IGSF11: variants seen among roughly 807,000 people sequenced by gnomAD.
IGSF11 encodes CXADR like 1.
Under a neutral mutation model 41.0 loss-of-function variants are expected in IGSF11, and 22 were observed. That is an observed-to-expected ratio of 0.54 (90% CI 0.38 to 0.77). The LOEUF (loss-of-function observed/expected upper bound fraction) is 0.77. IGSF11 is among the 30% of genes least tolerant of loss of function. The pLI, the probability that IGSF11 is intolerant of heterozygous loss-of-function variation, is 0.00. For synonymous variants in IGSF11, 219 were observed against 201.3 expected (o/e 1.09, Z -0.74); for missense variants, 444 against 530.8 (o/e 0.84, Z 1.61).
rs115170038 is a variant in IGSF11, at chr3:119,088,446, T to C, written c.49+16698A>G. On this transcript the variant is annotated intron_variant, in intron 1 of 6. Coordinates refer to the IGSF11 transcript ENST00000354673. ...AAGTAATGTTAAGAGGAAAGTTTTATAGCCCTAAACACCTTCATCAAGAAG... is the reference window on the plus strand; with the variant it reads ...AAGTAATGTTAAGAGGAAAGTTTTACAGCCCTAAACACCTTCATCAAGAAG... Among the ~76,000 whole-genome samples, 1,003 of 152,030 alleles carry C rather than the reference T, an allele frequency of 6.6e-3. 11 individuals carry two copies. The highest frequency in any genetic ancestry group is 0.023 in the African/African-American group (949 of 41,546).
rs866875684 is a variant in IGSF11, at chr3:119,138,168, A to C, written c.-14+7645T>G. Among the ~76,000 whole-genome samples, 284 of 152,010 alleles carry C rather than the reference A, an allele frequency of 1.9e-3. 2 individuals are homozygous for C. The highest frequency in any genetic ancestry group is 6.2e-3 in the African/African-American group (259 of 41,498). On this transcript the variant is annotated intron_variant, in intron 1 of 7. Transcript: ENST00000425327. ...TTGGAGGTTCCTCAACAAAAAAAAAAAAAAAAACTAAAAATTGAGCTACCA... is the reference window on the plus strand; with the variant it reads ...TTGGAGGTTCCTCAACAAAAAAAAACAAAAAAACTAAAAATTGAGCTACCA...
chr3:119,115,299 T>A (rs1421466485), intron 1 of IGSF11, among the ~76,000 whole-genome samples: 1 of 152,208 alleles, frequency 6.6e-6, no homozygotes, highest in Non-Finnish European at 1.5e-5. Context: ...GGTAGCGCTA[T>A]TTTTAGTTTT....
intron 1 of IGSF11, among the ~76,000 whole-genome samples, chr3:119,023,262 C>CAAAAA (rs3049118): frequency 1.3e-4 from 8 of 60,266 alleles, no homozygotes; most frequent in Middle Eastern, 0.015. Context: ...GACTCCGTCT[C>CAAAAA]AAAAAAAAAA....
At chr3:118,932,166 C>T (rs188189620) in intron 1 of IGSF11, among the ~76,000 whole-genome samples, 2 of 152,314 alleles carry the variant, frequency 1.3e-5, no homozygotes, top group South Asian at 2.1e-4. Context: ...TAACTGTTTT[C>T]TCTTCTGCAA....
At chr3:118,928,739 T>G in intron 2 of IGSF11, 23 bp from the exon 3 acceptor site, 1 of 1,567,626 alleles carries the variant, frequency 6.4e-7, no homozygotes, top group East Asian at 2.3e-5. Context: ...GCAAAATAAA[T>G]AAACTGGCCA....
chr3:118,959,320 A>C (rs2107597999), intron 1 of IGSF11, among the ~76,000 whole-genome samples: 1 of 152,342 alleles, frequency 6.6e-6, no homozygotes, highest in East Asian at 1.9e-4. Flanking sequence ...CAGAAAAGGA[A>C]GAGATAGACA....
chr3:118,936,757 T>C (rs539662685), intron 1 of IGSF11, among the ~76,000 whole-genome samples: 79 of 152,170 alleles, frequency 5.2e-4, no homozygotes, highest in Non-Finnish European at 9.7e-4. Flanking sequence ...AGACTCCTGT[T>C]TCCCAAGATT....
intron 1 of IGSF11, among the ~76,000 whole-genome samples, chr3:118,932,980 A>G (rs1942975954): frequency 6.6e-6 from 1 of 152,268 alleles, no homozygotes. Flanking sequence ...CAACCGCAAC[A>G]GGGTGAGCAG....
At chr3:119,034,477 G>A (rs1397263100) in intron 1 of IGSF11, 54 bp downstream of exon 1, 13 of 1,449,876 alleles carry the variant, frequency 9.0e-6, no homozygotes, top group Middle Eastern at 4.2e-4. Context: ...GCTTCGCCCC[G>A]GGCCCGCCGA....
At chr3:119,065,610 T>C (rs1023296373) in intron 1 of IGSF11, among the ~76,000 whole-genome samples, 15 of 151,922 alleles carry the variant, frequency 9.9e-5, no homozygotes, top group Non-Finnish European at 2.1e-4. Context: ...CTGAGCAATA[T>C]GGTGAAACCC....
rs543244570 is a variant in IGSF11 at position 119,099,483 on chromosome 3, C to T, written c.49+5661G>A. Reference sequence around the variant, plus strand: ...AAGAAAGTTTGCTCTAGGAATGCTTCCCAAAGTAAATGGTAGATGAATGAG... The same window carrying T: ...AAGAAAGTTTGCTCTAGGAATGCTTTCCAAAGTAAATGGTAGATGAATGAG... On this transcript the variant is annotated intron_variant, in intron 1 of 6. Transcript: ENST00000354673. 6.6e-5 allele frequency among the ~76,000 whole-genome samples: 10 copies of T among 152,168 alleles called. 1 individual carries two copies. In the East Asian group the frequency reaches 1.3e-3, roughly 21 times the overall value.
At chr3:118,929,582 T>C (rs1212166452) in intron 2 of IGSF11, among the ~76,000 whole-genome samples, 4 of 152,206 alleles carry the variant, frequency 2.6e-5, no homozygotes, top group African/African-American at 7.2e-5. Context: ...TATGTGTCTT[T>C]TTCCTGTAAT....
At chr3:119,074,291 A>T (rs2076454383) in intron 1 of IGSF11, among the ~76,000 whole-genome samples, 1 of 152,190 alleles carries the variant, frequency 6.6e-6, no homozygotes, top group Non-Finnish European at 1.5e-5. Flanking sequence ...AAATTTAAAA[A>T]AATAGAAATA....
Position 119,034,694 on chromosome 3 carries a change from C to A in IGSF11, c.-112G>T, listed in dbSNP as rs1940776137. The A allele has an allele frequency of 1.4e-6, 2 of 1,394,386 alleles. No homozygotes were observed. Among genetic ancestry groups the A allele is most frequent in the East Asian group, 5.8e-5 (2 of 34,350 alleles). 86.4% of individuals were successfully genotyped at this position (1,394,386 alleles called of 1,614,324 possible). A position where few individuals can be genotyped will look rare whatever the true frequency, so the allele number is the denominator to read the frequency against. ...GGCAGCCTGGTCCTCCCACACCCAG[C>A]GCCGGGCCGCTGTTCCCCGCGCAGA... On this transcript the variant is annotated 5_prime_UTR_variant, in exon 1 of 7. Transcript: ENST00000393775.
At chr3:119,045,114 C>T (rs116067125) in intron 1 of IGSF11, among the ~76,000 whole-genome samples, 11 of 152,176 alleles carry the variant, frequency 7.2e-5, no homozygotes, top group South Asian at 2.1e-4. Context: ...AATGGCAGAA[C>T]GGATAAAATC....
intron 1 of IGSF11, among the ~76,000 whole-genome samples, chr3:119,084,748 A>G (rs2076642841): frequency 1.3e-5 from 2 of 152,218 alleles, no homozygotes; most frequent in Non-Finnish European, 2.9e-5. Flanking sequence ...ATCTGAGTGC[A>G]TTCTGGCAGT....
chr3:118,911,096 G>A (rs1247957582), intron 4 of IGSF11, among the ~76,000 whole-genome samples: 1 of 152,054 alleles, frequency 6.6e-6, no homozygotes, highest in African/African-American at 2.4e-5. Flanking sequence ...CAGTTGCAGA[G>A]TAAGGTGTAT....
chr3:119,046,501 A>G (rs1187054263), intron 1 of IGSF11, among the ~76,000 whole-genome samples: 1 of 152,022 alleles, frequency 6.6e-6, no homozygotes, highest in Admixed American at 6.5e-5. Flanking sequence ...ATGTGAAAAG[A>G]CCAAATCTAT....
intron 1 of IGSF11, among the ~76,000 whole-genome samples, chr3:119,023,868 T>C (rs958115276): frequency 2.0e-5 from 3 of 152,232 alleles, no homozygotes; most frequent in African/African-American, 4.8e-5. Context: ...GTCTTCATCA[T>C]CATCAGTTTA....
Sources: gnomAD v4.1 joint callset for allele counts (sites outside exome capture counted in the v4.1 genomes callset) on GRCh38, gnomAD v4.1.1 for gene constraint, MANE v1.5 for transcripts, NCBI Gene and HGNC (gene_info 2026-07-23, HGNC 2026-07-21) for gene names.